VAMP7: variants seen among roughly 807,000 people sequenced by gnomAD.
VAMP7 encodes the protein vesicle associated membrane protein 7.
In VAMP7, 14 loss-of-function variants were observed where a neutral mutation model predicts 29.6. That is an observed-to-expected ratio of 0.47 (90% confidence interval 0.31 to 0.74). The LOEUF (loss-of-function observed/expected upper bound fraction) is 0.74, where lower values mean the gene tolerates loss of function less well. Among genes scored for constraint, VAMP7 ranks in the 30% least tolerant of loss-of-function variants. VAMP7 has a pLI of 0.05. For missense variants in VAMP7, 223 were observed against 262.4 expected, an observed-to-expected ratio of 0.85 and a Z score of 1.04; for synonymous variants, 95 against 88.1, an observed-to-expected ratio of 1.08 and a Z score of -0.44.
chrX:155,920,998 G>T (rs1385200344), intron 6 of VAMP7, among the ~76,000 whole-genome samples: 1 of 152,084 alleles, frequency 6.6e-6, no homozygotes, highest in African/African-American at 2.4e-5. Flanking sequence ...CTCACTTTGT[G>T]ACCCATTGCT....
intron 2 of VAMP7, among the ~76,000 whole-genome samples, chrX:155,892,374 C>T (rs1569433394): frequency 6.6e-6 from 1 of 152,014 alleles, no homozygotes; most frequent in Non-Finnish European, 1.5e-5. Context: ...ACTGTCTGCC[C>T]TCAAGGTAAA....
chrX:155,914,229 TG>T (rs1419114391), intron 5 of VAMP7, among the ~76,000 whole-genome samples: 1 of 152,232 alleles, frequency 6.6e-6, no homozygotes, highest in African/African-American at 2.4e-5. Flanking sequence ...GATACTTTGC[TG>T]AAGTTGCTTA....
chrX:155,911,265 C>T (rs1468657409), intron 5 of VAMP7, among the ~76,000 whole-genome samples: 5 of 152,012 alleles, frequency 3.3e-5, no homozygotes, highest in East Asian at 1.9e-4. Context: ...GCTGTACATA[C>T]GTGGATCAAT....
At position 155,934,038 on chromosome X, in the gene VAMP7, A is replaced by T. The variant is rs192558344; in HGVS notation, c.502-5663A>T. Among the ~76,000 whole-genome samples the T allele has an allele frequency of 4.8e-3, 734 of 152,190 alleles. 8 individuals carry two copies. Among genetic ancestry groups the T allele is most frequent in the Non-Finnish European group, 8.7e-3 (590 of 68,012 alleles). On this transcript the variant is annotated intron_variant, in intron 6 of 7. Transcript: ENST00000286448. ...AGTGAGTTTCTTAATCTTGAGTTCT[A>T]ATTTGATTTCACTGTGGTCTGAGAG...
intron 6 of VAMP7, among the ~76,000 whole-genome samples, chrX:155,930,704 T>A (rs1314300111): frequency 3.3e-5 from 5 of 150,810 alleles, no homozygotes; most frequent in South Asian, 2.1e-4. Flanking sequence ...TTATTTTTTT[T>A]ATAAATATAT....
intron 1 of VAMP7, among the ~76,000 whole-genome samples, chrX:155,882,452 A>G (rs1372265113): frequency 1.3e-5 from 2 of 152,208 alleles, no homozygotes; most frequent in African/African-American, 4.8e-5. Context: ...TCCAGAAAGA[A>G]TAGTTGTAAT....
intron 5 of VAMP7, among the ~76,000 whole-genome samples, chrX:155,905,218 C>A (rs2066130798): frequency 6.6e-6 from 1 of 151,806 alleles, no homozygotes; most frequent in Non-Finnish European, 1.5e-5. Context: ...ATTTTCTTTA[C>A]CTTTGGAGAA....
At chrX:155,899,802 A>C (rs1056250128) in intron 4 of VAMP7, among the ~76,000 whole-genome samples, 3 of 152,028 alleles carry the variant, frequency 2.0e-5, no homozygotes, top group Admixed American at 1.3e-4. Flanking sequence ...TTCTGAACAA[A>C]ATCTCTACCT....
intron 6 of VAMP7, among the ~76,000 whole-genome samples, chrX:155,932,550 G>A (rs1413502970): frequency 2.6e-5 from 4 of 152,052 alleles, no homozygotes; most frequent in African/African-American, 7.2e-5. Context: ...ATTTTTGCAC[G>A]TTGATTTCGT....
At position 155,891,839 on chromosome X, in the gene VAMP7, AGCGTAGGTTTGTGGGC is replaced by A. The variant is rs1476396720; in HGVS notation, c.146+2228_146+2243del. Among the ~76,000 whole-genome samples the A allele has an allele frequency of 3.3e-5, 5 of 152,216 alleles. 1 individual carries two copies. The East Asian group carries it at 7.7e-4, about 23-fold the overall frequency. On this transcript the variant is annotated intron_variant, in intron 2 of 7. Transcript: ENST00000286448. ...CCCATTTTGTAGTCCTCTTGCTGCC[AGCGTAGGTTTGTGGGC>A]CTAGAGGTTAGGGGTTAAATAATCT... is the stretch of plus-strand genomic sequence containing the variant.
rs146848891 is a variant in VAMP7, at chrX:155,899,440, C to T, written c.343-1057C>T. Among the ~76,000 whole-genome samples, 281 of 152,004 alleles carry T rather than the reference C, an allele frequency of 1.8e-3. 3 individuals are homozygous for T. Among genetic ancestry groups the T allele is most frequent in the East Asian group, 3.1e-3 (16 of 5,180 alleles). ...TTGAGTATAAAGACGTAAGCTCTAG[C>T]TATGATTTTGTTGTGAGTTTAAAAA... On this transcript the variant is annotated intron_variant, in intron 4 of 7. Transcript: ENST00000286448.
chrX:155,930,506 T>C (rs866780497), intron 6 of VAMP7, among the ~76,000 whole-genome samples: 3 of 133,002 alleles, frequency 2.3e-5, no homozygotes, highest in African/African-American at 8.2e-5. Context: ...AAAAAAAAAA[T>C]AGGTGTGATT....
At position 155,898,256 on chromosome X, in the gene VAMP7, T is replaced by A. The variant is rs1403052223; in HGVS notation, c.342+7T>A. ...TGTCTTAGCTGCACAGCTGGTAAGATCTTTCTCAGGATAAGGTATTTTGAT... is the reference window on the plus strand; with the variant it reads ...TGTCTTAGCTGCACAGCTGGTAAGAACTTTCTCAGGATAAGGTATTTTGAT... On this transcript the variant is annotated splice_region_variant and intron_variant, in intron 4 of 7. Coordinates refer to ENST00000286448, the MANE Select transcript of VAMP7 (RefSeq NM_005638.6). The A allele has an allele frequency of 1.2e-6, 2 of 1,612,634 alleles. No homozygotes were observed. The highest frequency in any genetic ancestry group is 1.7e-6 in the Non-Finnish European group (2 of 1,179,306).
intron 6 of VAMP7, among the ~76,000 whole-genome samples, chrX:155,934,386 G>T (rs1315892743): frequency 6.6e-6 from 1 of 152,184 alleles, no homozygotes; most frequent in African/African-American, 2.4e-5. Flanking sequence ...GGGTCCTCCT[G>T]TATTGGGTGC....
intron 5 of VAMP7, among the ~76,000 whole-genome samples, chrX:155,902,278 T>C (rs1333609810): frequency 1.3e-5 from 2 of 152,016 alleles, no homozygotes; most frequent in Admixed American, 6.6e-5. Flanking sequence ...GCTGAGACAA[T>C]GGGGTTTTCT....
intron 5 of VAMP7, 76 bp downstream of exon 5, chrX:155,900,663 G>A: frequency 2.3e-6 from 3 of 1,324,360 alleles, no homozygotes; most frequent in South Asian, 2.6e-5. Flanking sequence ...AATTATTCTA[G>A]AGAAGCCAAA....
chrX:155,926,420 C>A (rs961963673), intron 6 of VAMP7, among the ~76,000 whole-genome samples: 2 of 152,186 alleles, frequency 1.3e-5, no homozygotes, highest in African/African-American at 4.8e-5. Flanking sequence ...TGGCTTCTTT[C>A]CTTAAACCTC....
intron 2 of VAMP7, among the ~76,000 whole-genome samples, chrX:155,893,585 C>T (rs993187329): frequency 2.0e-5 from 3 of 152,100 alleles, no homozygotes; most frequent in East Asian, 3.9e-4. Flanking sequence ...GTGAGGTGCC[C>T]GCTAATTCAG....
chrX:155,907,842 C>T (rs1346316081), intron 5 of VAMP7, among the ~76,000 whole-genome samples: 14 of 152,018 alleles, frequency 9.2e-5, no homozygotes, highest in Non-Finnish European at 1.0e-4. Context: ...ACTTCGCAGA[C>T]GGGGCGGCTG....
Sources: gnomAD v4.1 joint callset for allele counts (sites outside exome capture counted in the v4.1 genomes callset) on GRCh38, gnomAD v4.1.1 for gene constraint, MANE v1.5 for transcripts, NCBI Gene and HGNC (gene_info 2026-07-23, HGNC 2026-07-21) for gene names.